The following TAFA1 variants were observed in gnomAD, a reference collection of about 807,000 sequenced individuals.
The protein encoded by TAFA1 is TAFA chemokine like family member 1.
In TAFA1, 4 loss-of-function variants were observed where a neutral mutation model predicts 18.5. That is an observed-to-expected ratio of 0.22 (90% CI 0.11 to 0.49). The LOEUF (loss-of-function observed/expected upper bound fraction) is 0.49, where lower values mean the gene tolerates loss of function less well. TAFA1 is among the 20% of genes least tolerant of loss of function. TAFA1 has a pLI of 0.98. For synonymous variants in TAFA1, 56 were observed against 55.2 expected (o/e 1.01, Z -0.06); for missense variants, 147 against 169.0 (o/e 0.87, Z 0.72).
chr3:68,016,431 G>T (rs1704571552), intron 2 of TAFA1, among the ~76,000 whole-genome samples: 1 of 152,070 alleles, frequency 6.6e-6, no homozygotes. Context: ...TTGTGTCATG[G>T]GGGTTTGTTG....
At chr3:68,544,223 A>G (rs1346486112) in intron 4 of TAFA1, among the ~76,000 whole-genome samples, 1 of 152,108 alleles carries the variant, frequency 6.6e-6, no homozygotes, top group Non-Finnish European at 1.5e-5. Flanking sequence ...CCAGTCCTGG[A>G]TAGGCATTGC....
chr3:68,011,592 C>A (rs892836170), intron 2 of TAFA1, among the ~76,000 whole-genome samples: 1 of 152,002 alleles, frequency 6.6e-6, no homozygotes, highest in Non-Finnish European at 1.5e-5. Context: ...CAGTAGAATA[C>A]CAGAGTACAT....
chr3:68,528,695 T>C (rs1277671087), intron 3 of TAFA1, among the ~76,000 whole-genome samples: 1 of 152,176 alleles, frequency 6.6e-6, no homozygotes, highest in African/African-American at 2.4e-5. Flanking sequence ...TTTGTCTTGA[T>C]TGAGGTACTT....
intron 3 of TAFA1, among the ~76,000 whole-genome samples, chr3:68,516,208 G>A (rs182790792): frequency 1.0e-3 from 156 of 152,134 alleles, no homozygotes; most frequent in Admixed American, 3.5e-3. Flanking sequence ...TGGAATTTAG[G>A]GCTGAATTTA....
chr3:68,096,771 T>C (rs1438443784), intron 2 of TAFA1, among the ~76,000 whole-genome samples: 1 of 152,078 alleles, frequency 6.6e-6, no homozygotes, highest in African/African-American at 2.4e-5. Flanking sequence ...GTCTAGATAA[T>C]ACACAAATAC....
chr3:68,389,144 T>G (rs1235346748), intron 2 of TAFA1, among the ~76,000 whole-genome samples: 1 of 152,206 alleles, frequency 6.6e-6, no homozygotes, highest in Non-Finnish European at 1.5e-5. Flanking sequence ...GAAACATGCC[T>G]AGACAGTCTT....
rs555578036 is a variant in TAFA1 at position 68,526,791 on chromosome 3, T to G, written c.260-11965T>G. 2.2e-3 allele frequency among the ~76,000 whole-genome samples: 341 copies of G among 152,202 alleles called. 1 individual carries two copies. Among genetic ancestry groups the G allele is most frequent in the Non-Finnish European group, 4.0e-3 (269 of 67,946 alleles). ...TGCCTCTGCCAAATGGAATCATGAG[T>G]GATAATTTTTTAAATAATTATCCAT... On this transcript the variant is annotated intron_variant, in intron 3 of 4. Coordinates refer to ENST00000478136, the MANE Select transcript of TAFA1 (RefSeq NM_213609.4).
intron 2 of TAFA1, among the ~76,000 whole-genome samples, chr3:68,181,427 A>C (rs1042199187): frequency 1.1e-4 from 16 of 152,150 alleles, no homozygotes; most frequent in African/African-American, 3.9e-4. Context: ...GAAGGCAGTA[A>C]ATTTTTCTGT....
upstream of TAFA1, among the ~76,000 whole-genome samples, chr3:68,001,615 G>A (rs1368057103): frequency 7.3e-5 from 11 of 150,514 alleles, no homozygotes; most frequent in Non-Finnish European, 1.3e-4. Flanking sequence ...TGTTTGTTTG[G>A]TGTTTACCTT....
intron 2 of TAFA1, among the ~76,000 whole-genome samples, chr3:68,026,147 C>G (rs1159744061): frequency 6.6e-6 from 1 of 151,970 alleles, no homozygotes; most frequent in African/African-American, 2.4e-5. Flanking sequence ...GCCTTCAGCT[C>G]TTTGCTAAAA....
At chr3:68,361,854 T>C (rs2069474452) in intron 2 of TAFA1, among the ~76,000 whole-genome samples, 1 of 152,076 alleles carries the variant, frequency 6.6e-6, no homozygotes, top group Admixed American at 6.6e-5. Flanking sequence ...TGGCACTGAA[T>C]CTCTTGAGAG....
intron 2 of TAFA1, among the ~76,000 whole-genome samples, chr3:68,038,406 G>A (rs977842255): frequency 6.6e-6 from 1 of 152,192 alleles, no homozygotes; most frequent in African/African-American, 2.4e-5. Context: ...ATCGAGGTCA[G>A]TGTAACAGTT....
At chr3:68,305,699 G>T (rs191876749) in intron 2 of TAFA1, among the ~76,000 whole-genome samples, 10 of 151,960 alleles carry the variant, frequency 6.6e-5, no homozygotes, top group Non-Finnish European at 1.3e-4. Flanking sequence ...TATACCTCTA[G>T]TGGGTTTTCA....
intron 3 of TAFA1, among the ~76,000 whole-genome samples, chr3:68,449,439 C>T (rs2071531387): frequency 1.3e-5 from 2 of 152,062 alleles, no homozygotes; most frequent in Non-Finnish European, 2.9e-5. Flanking sequence ...GGATGCGAGA[C>T]CCTAATGTCT....
At chr3:68,477,849 A>G (rs367833035) in intron 3 of TAFA1, among the ~76,000 whole-genome samples, 3 of 152,214 alleles carry the variant, frequency 2.0e-5, no homozygotes, top group African/African-American at 4.8e-5. Flanking sequence ...TGAAAAATAC[A>G]TATTATTGGA....
chr3:68,193,089 T>G (rs928092497), intron 2 of TAFA1, among the ~76,000 whole-genome samples: 2 of 151,688 alleles, frequency 1.3e-5, no homozygotes, highest in Non-Finnish European at 2.9e-5. Flanking sequence ...ATCACTGAAG[T>G]GTTTTAAGTA....
chr3:68,526,657 T>A (rs956083660), intron 3 of TAFA1, among the ~76,000 whole-genome samples: 1 of 152,186 alleles, frequency 6.6e-6, no homozygotes, highest in Admixed American at 6.5e-5. Flanking sequence ...TAGAGTCTAA[T>A]AGTACTCTCA....
Position 68,524,763 on chromosome 3 carries a change from C to T in TAFA1, c.260-13993C>T, listed in dbSNP as rs550399211. On this transcript the variant is annotated intron_variant, in intron 3 of 4. Transcript: ENST00000478136. The stretch of plus-strand genomic sequence containing the variant: ...TCGGCTCACTGCAAGCTCTGCCTCC[C>T]GGGTTCACACCATTCTCCTGCCTCA... Among the ~76,000 whole-genome samples, 10 of 152,068 alleles carry T rather than the reference C, an allele frequency of 6.6e-5. No homozygotes were observed. The South Asian group carries it at 1.7e-3, about 25-fold the overall frequency.
At chr3:68,231,996 T>G (rs954664377) in intron 2 of TAFA1, among the ~76,000 whole-genome samples, 33 of 152,192 alleles carry the variant, frequency 2.2e-4, no homozygotes, top group African/African-American at 8.0e-4. Context: ...GATGCAAGTG[T>G]ACAGTATGCA....
Sources: gnomAD v4.1 joint callset for allele counts (sites outside exome capture counted in the v4.1 genomes callset) on GRCh38, gnomAD v4.1.1 for gene constraint, MANE v1.5 for transcripts, NCBI Gene and HGNC (gene_info 2026-07-23, HGNC 2026-07-21) for gene names.